Variants in LSS observed in about 807,000 individuals in gnomAD.
The protein encoded by LSS is 2,3-epoxysqualene-lanosterol cyclase.
LSS carries 90 observed loss-of-function variants against 110.3 expected under a neutral mutation model. That is an observed-to-expected ratio of 0.82 (90% confidence interval 0.69 to 0.97). The LOEUF (loss-of-function observed/expected upper bound fraction) is 0.97. Among genes scored for constraint, LSS ranks in the 50% least tolerant of loss-of-function variants. The probability of loss-of-function intolerance (pLI) is 0.00; values close to 1 mark genes in which losing one functional copy is unlikely to be tolerated. For synonymous variants in LSS, 433 were observed against 400.0 expected (o/e 1.08, Z -0.98); for missense variants, 927 against 990.0 (o/e 0.94, Z 0.85).
rs149486257 is a variant in LSS at position 46,219,503 on chromosome 21, C to A, written c.620G>T (p.Gly207Val). The A allele has an allele frequency of 8.1e-6, 13 of 1,601,662 alleles. No individual in the cohort carries two copies. Among genetic ancestry groups the A allele is most frequent in the Non-Finnish European group, 1.1e-5 (13 of 1,174,236 alleles). The part of the protein sequence containing the change: ...LAVLNVYSWE[G>V]LNTLFPEMWL... ...CATCTCTGGGAACAGGGTATTGAGGCCTTCCCAGCTGTAAACATTCAGGAC... is the reference window on the plus strand; with the variant it reads ...CATCTCTGGGAACAGGGTATTGAGGACTTCCCAGCTGTAAACATTCAGGAC... The change falls in exon 6 of 22, where the codon GGC becomes GTC. Residue 207 changes from glycine to valine, a missense_variant. Physicochemically the swap from Gly to Val is moderately radical, Grantham distance 109 (BLOSUM62 -3). Transcript: ENST00000397728.
At chr21:46,195,983 C>CAGCAGCCA (rs2079904737) in intron 18 of LSS, among the ~76,000 whole-genome samples, 1 of 152,246 alleles carries the variant, frequency 6.6e-6, no homozygotes, top group Non-Finnish European at 1.5e-5. Context: ...CCCAGCAGCC[C>CAGCAGCCA]GGCTGCGCCC....
At position 46,188,773 on chromosome 21, in the gene LSS, T is replaced by TA. The variant is rs1165998995; in HGVS notation, c.*2330dup. The TA allele has an allele frequency of 4.2e-6, 2 of 471,164 alleles. No homozygotes were observed. The highest frequency in any genetic ancestry group is 4.0e-5 in the African/African-American group (2 of 50,054). The allele number at this position is 471,164 out of a possible 1,614,324, so 29.2% of individuals were successfully genotyped here. On this transcript the variant is annotated 3_prime_UTR_variant, in exon 22 of 22. Coordinates refer to ENST00000397728, the MANE Select transcript of LSS (RefSeq NM_002340.6). ...TGACACTGAAGTCCTGCCTGTGTAA[T>TA]AACACCGAAGAGGGCAGGGAATCGC...
chr21:46,207,180 C>T (rs1417327931), intron 15 of LSS, among the ~76,000 whole-genome samples: 1 of 152,256 alleles, frequency 6.6e-6, no homozygotes, highest in East Asian at 1.9e-4. Context: ...CACGCCGGCT[C>T]CCCCAAGTAT....
chr21:46,222,579 T>C (rs2080290963), intron 4 of LSS, 51 bp downstream of exon 4: 2 of 1,522,788 alleles, frequency 1.3e-6, no homozygotes, highest in South Asian at 1.1e-5. Context: ...TCCTACATCA[T>C]GAGAACACAC....
In LSS at chr21:46,190,992, G is replaced by C. The variant is rs777940826; in HGVS notation, c.*112C>G. On this transcript the variant is annotated 3_prime_UTR_variant, in exon 22 of 22. Transcript: ENST00000397728. This position sits in a 1 kb window ranked among gnomAD's most constrained non-coding sequence, Gnocchi z 4.6. ...CCCCCAGATTCACATCTATGAGATA[G>C]AGGTTGAGGGGTTGGAGCCCAAGAC... 117 of 1,281,708 alleles carry C rather than the reference G, an allele frequency of 9.1e-5. 3 individuals carry two copies. The South Asian group carries it at 1.5e-3, about 17-fold the overall frequency. 79.4% of individuals were successfully genotyped at this position (1,281,708 alleles called of 1,614,324 possible).
At chr21:46,198,448 A>C (rs912459476) in intron 17 of LSS, among the ~76,000 whole-genome samples, 1 of 152,226 alleles carries the variant, frequency 6.6e-6, no homozygotes, top group African/African-American at 2.4e-5. Context: ...AAGAAATAAA[A>C]GATCTTTCCA....
Position 46,205,958 on chromosome 21 carries a change from A to C in LSS, c.1565-17T>G. On this transcript the variant is annotated splice_polypyrimidine_tract_variant and intron_variant, in intron 16 of 21. Coordinates refer to ENST00000397728, the MANE Select transcript of LSS (RefSeq NM_002340.6). ...TGATGTCCCCTGGGAAAGGGAGGGA[A>C]GAACCAAGTGTTGGGTTTCACCCTG... The C allele has an allele frequency of 6.4e-7, 1 of 1,571,950 alleles. No individual in the cohort carries two copies. The highest frequency in any genetic ancestry group is 8.7e-7 in the Non-Finnish European group (1 of 1,150,278).
At chr21:46,226,736 CTTCAT>C (rs571272449) in intron 3 of LSS, among the ~76,000 whole-genome samples, 1 of 152,316 alleles carries the variant, frequency 6.6e-6, no homozygotes, top group South Asian at 2.1e-4. Context: ...CCTATTGCAA[CTTCAT>C]TTCAAGTCTG....
Position 46,211,473 on chromosome 21 carries a change from G to A in LSS, c.1138-729C>T, listed in dbSNP as rs1413902189. ...TACACCTGGAGGTGATGGGAATTCTGCACAGGGCTGGGAAGGCTCCACCTC... is the reference window on the plus strand; with the variant it reads ...TACACCTGGAGGTGATGGGAATTCTACACAGGGCTGGGAAGGCTCCACCTC... On this transcript the variant is annotated intron_variant, in intron 11 of 21. Transcript: ENST00000397728. 5.3e-5 allele frequency among the ~76,000 whole-genome samples: 8 copies of A among 152,166 alleles called. No individual in the cohort carries two copies. In the East Asian group the frequency reaches 1.5e-3, roughly 29 times the overall value.
At chr21:46,218,851 G>A (rs752313574) in intron 6 of LSS, among the ~76,000 whole-genome samples, 53 of 151,236 alleles carry the variant, frequency 3.5e-4, no homozygotes, top group Non-Finnish European at 6.3e-4. Context: ...TCAGCCTCCC[G>A]AGTAGCTGGA....
chr21:46,204,953 A>G (rs1055815404), intron 17 of LSS, among the ~76,000 whole-genome samples: 5 of 152,052 alleles, frequency 3.3e-5, no homozygotes, highest in Non-Finnish European at 5.9e-5. Flanking sequence ...TATAAAAAGG[A>G]CAGTGCATTG....
At chr21:46,207,769 G>A (rs1246226203) in intron 14 of LSS, among the ~76,000 whole-genome samples, 192 bp from the exon 15 acceptor site, 2 of 152,066 alleles carry the variant, frequency 1.3e-5, no homozygotes, top group South Asian at 4.1e-4. Flanking sequence ...TCCAGCACAG[G>A]GACCCTCAGG....
chr21:46,193,164 T>C (rs2079851148), intron 20 of LSS: 1 of 445,824 alleles, frequency 2.2e-6, no homozygotes, highest in African/African-American at 2.0e-5. Context: ...TGTGCATCTG[T>C]CTTCATGTAC....
chr21:46,215,215 C>T lies in LSS; in HGVS notation c.976G>A (p.Asp326Asn), dbSNP rs753884801. 8.7e-6 allele frequency: 14 copies of T among 1,610,936 alleles called. No homozygotes were observed. Among genetic ancestry groups the T allele is most frequent in the Admixed American group, 1.7e-5 (1 of 59,988 alleles). ...VQKLYEHIVA[D>N]DRFTKSISIG... ...CTGATGCTCTTGGTGAATCGGTCGT[C>T]GGCCACAATGTGTTCATACAGCTTC... is the stretch of plus-strand genomic sequence containing the variant. Residue 326 changes from aspartate (D) to asparagine (N), a missense_variant, in exon 9 of 22, where the codon GAC becomes AAC. Physicochemically the swap from Asp to Asn is conservative, Grantham distance 23 (BLOSUM62 1). Transcript: ENST00000397728.
intron 17 of LSS, among the ~76,000 whole-genome samples, chr21:46,202,393 C>CAA (rs552183189): frequency 1.1e-5 from 1 of 87,292 alleles, no homozygotes; most frequent in Non-Finnish European, 2.4e-5. Context: ...GACTCCGTCT[C>CAA]AAAAAAAAAA....
At chr21:46,200,920 A>C (rs1002807813) in intron 17 of LSS, among the ~76,000 whole-genome samples, 28 of 152,262 alleles carry the variant, frequency 1.8e-4, no homozygotes, top group African/African-American at 6.8e-4. Flanking sequence ...ATACTCAGGC[A>C]GTTAGGGGTA....
rs896817192 is a variant in LSS, at chr21:46,214,812, T to C, written c.1011+368A>G. ...GGCATGTCTAAACCCCACGGGAGAATGGCGAATGATGAACTGTTTGGGGAG... is the reference window on the plus strand; with the variant it reads ...GGCATGTCTAAACCCCACGGGAGAACGGCGAATGATGAACTGTTTGGGGAG... On this transcript the variant is annotated intron_variant, in intron 9 of 21. Coordinates refer to ENST00000397728, the MANE Select transcript of LSS (RefSeq NM_002340.6). 5.3e-5 allele frequency among the ~76,000 whole-genome samples: 8 copies of C among 152,044 alleles called. No homozygotes were observed. The South Asian group carries it at 8.3e-4, about 16-fold the overall frequency.
Position 46,210,992 on chromosome 21 carries a change from A to C in LSS, c.1138-248T>G, listed in dbSNP as rs372544929. ...TCCCTTTCTTCATGGGCCACCAGGC[A>C]GGACAGTGTCCCTCTGAGGACACTT... On this transcript the variant is annotated intron_variant, in intron 11 of 21. Transcript: ENST00000397728. Among the ~76,000 whole-genome samples, 308 of 152,356 alleles carry C rather than the reference A, an allele frequency of 2.0e-3. 1 individual carries two copies. Among genetic ancestry groups the C allele is most frequent in the African/African-American group, 6.9e-3 (289 of 41,596 alleles).
intron 18 of LSS, among the ~76,000 whole-genome samples, 169 bp downstream of exon 18, chr21:46,196,033 G>A (rs959730718): frequency 3.3e-5 from 5 of 152,246 alleles, no homozygotes; most frequent in Non-Finnish European, 5.9e-5. Context: ...CAAAGGCCAC[G>A]CATGCCACAA....
Sources: allele counts gnomAD v4.1 joint callset (sites outside exome capture counted in the v4.1 genomes callset), GRCh38; gene constraint gnomAD v4.1.1; non-coding constraint Gnocchi (gnomAD v3.1); transcripts MANE v1.5; gene names NCBI Gene and HGNC (gene_info 2026-07-23, HGNC 2026-07-21).